C14orf132: variants seen among roughly 807,000 people sequenced by gnomAD.
The protein encoded by C14orf132 is chromosome 14 open reading frame 132.
A neutral mutation model predicts 5.8 loss-of-function variants in C14orf132; 6 were observed. The observed-to-expected ratio is 1.03, with a 90% CI of 0.57 to 2.04. The LOEUF (loss-of-function observed/expected upper bound fraction) is 2.04, where lower values mean the gene tolerates loss of function less well. Ranked by LOEUF, C14orf132 falls within the 30% of genes most tolerant of loss-of-function variation. The pLI is 0.00. For missense variants in C14orf132, 125 were observed against 115.8 expected, an observed-to-expected ratio of 1.08 and a Z score of -0.37; for synonymous variants, 51 against 49.8, an observed-to-expected ratio of 1.02 and a Z score of -0.10.
rs1888383617 is a variant in C14orf132, at chr14:96,090,996, T to C, written c.*4261T>C. 2.2e-6 allele frequency: 1 copy of C among 456,052 alleles called. No homozygotes were observed. The highest frequency in any genetic ancestry group is 2.0e-5 in the African/African-American group (1 of 50,106). 28.3% of individuals were successfully genotyped at this position (456,052 alleles called of 1,614,324 possible). A position where few individuals can be genotyped will look rare whatever the true frequency, so the allele number is the denominator to read the frequency against. ...AGTTTTGCACATCTTTTTGTTGCTC[T>C]ATTTGTGTCTCATTTACTTCTCAAA... On this transcript the variant is annotated 3_prime_UTR_variant, in exon 2 of 2. Coordinates refer to ENST00000555004, the MANE Select transcript of C14orf132 (RefSeq NM_001252507.3).
At chr14:96,065,471 C>T (rs1887503893) in intron 1 of C14orf132, among the ~76,000 whole-genome samples, 1 of 152,100 alleles carries the variant, frequency 6.6e-6, no homozygotes, top group Non-Finnish European at 1.5e-5. Flanking sequence ...GCCCCGGCCG[C>T]CGCTTCACTC....
chr14:96,072,123 G>A (rs1595184499), intron 1 of C14orf132, among the ~76,000 whole-genome samples: 1 of 152,358 alleles, frequency 6.6e-6, no homozygotes, highest in East Asian at 1.9e-4. Flanking sequence ...GACTCAGGGA[G>A]CCGTGCCCAC....
chr14:96,052,559 G>T (rs1256886226), intron 1 of C14orf132, among the ~76,000 whole-genome samples: 1 of 152,200 alleles, frequency 6.6e-6, no homozygotes, highest in African/African-American at 2.4e-5. Context: ...AACCAATCAA[G>T]GAAGAGCAGG....
intron 1 of C14orf132, among the ~76,000 whole-genome samples, chr14:96,079,400 C>T (rs529219140): frequency 3.0e-4 from 45 of 152,262 alleles, no homozygotes; most frequent in South Asian, 1.0e-3. Flanking sequence ...TCTTTCTAGC[C>T]GAAATGTCTT....
At chr14:96,047,742 A>T (rs900373211) in intron 1 of C14orf132, among the ~76,000 whole-genome samples, 18 of 152,196 alleles carry the variant, frequency 1.2e-4, no homozygotes, top group African/African-American at 4.1e-4. Flanking sequence ...TTTTAAAGAG[A>T]TGTTTTAAGT....
At chr14:96,057,793 C>T (rs1360598807) in intron 1 of C14orf132, among the ~76,000 whole-genome samples, 1 of 152,176 alleles carries the variant, frequency 6.6e-6, no homozygotes, top group African/African-American at 2.4e-5. Context: ...TGCAGGCCTC[C>T]TGCATTGTAC....
intron 1 of C14orf132, among the ~76,000 whole-genome samples, chr14:96,043,092 G>A (rs1442529224): frequency 6.6e-6 from 1 of 152,208 alleles, no homozygotes; most frequent in African/African-American, 2.4e-5. Flanking sequence ...ACCACTTCAA[G>A]AGCTGGAATC....
chr14:96,092,613 G>A lies in C14orf132; in HGVS notation c.*5878G>A, dbSNP rs1466405503. Reference sequence around the variant, plus strand: ...AAGCGTTGTCCCAACAATGCAGATGGTTCTGACAAGGGCTCTATATGCTGG... The same window carrying A: ...AAGCGTTGTCCCAACAATGCAGATGATTCTGACAAGGGCTCTATATGCTGG... On this transcript the variant is annotated 3_prime_UTR_variant, in exon 2 of 2. Coordinates refer to ENST00000555004, the MANE Select transcript of C14orf132 (RefSeq NM_001252507.3). 2 of 151,400 alleles carry A rather than the reference G, an allele frequency of 1.3e-5. No homozygotes were observed. Among genetic ancestry groups the A allele is most frequent in the African/African-American group, 4.9e-5 (2 of 41,106 alleles). The allele number at this position is 151,400 out of a possible 1,614,324, so 9.4% of individuals were successfully genotyped here.
In C14orf132 at chr14:96,039,478, C is replaced by T; in HGVS notation, c.-23C>T. The T allele has an allele frequency of 1.3e-6, 2 of 1,500,790 alleles. No homozygotes were observed. Among genetic ancestry groups the T allele is most frequent in the Non-Finnish European group, 1.8e-6 (2 of 1,127,952 alleles). 93.0% of individuals were successfully genotyped at this position (1,500,790 alleles called of 1,614,324 possible). ...AGCGGCAGCGGCAGCAGCGAGGACTCGAGCGCTGGCTGCAGCGACACCATG... is the reference window on the plus strand; with the variant it reads ...AGCGGCAGCGGCAGCAGCGAGGACTTGAGCGCTGGCTGCAGCGACACCATG... On this transcript the variant is annotated 5_prime_UTR_variant, in exon 1 of 2. Transcript: ENST00000555004. This position sits in a 1 kb window ranked among gnomAD's most constrained non-coding sequence, Gnocchi z 5.3.
intron 1 of C14orf132, among the ~76,000 whole-genome samples, chr14:96,067,965 G>A (rs1374410357): frequency 6.6e-6 from 1 of 152,116 alleles, no homozygotes; most frequent in African/African-American, 2.4e-5. Context: ...CACCTCATAG[G>A]GTTGCGATAA....
At position 96,052,241 on chromosome 14, in the gene C14orf132, C is replaced by G. The variant is rs775565280; in HGVS notation, c.27+12714C>G. ...TCACAACTCCTTCCAGCCTGGCCGT[C>G]TCTGCAGCCTGTCTGGGCAGAGTGG... On this transcript the variant is annotated intron_variant, in intron 1 of 1. Transcript: ENST00000555004. Among the ~76,000 whole-genome samples, 8 of 152,384 alleles carry G rather than the reference C, an allele frequency of 5.2e-5. No homozygotes were observed. The East Asian group carries it at 9.6e-4, about 18-fold the overall frequency.
At chr14:96,079,154 C>G (rs1887960571) in intron 1 of C14orf132, among the ~76,000 whole-genome samples, 1 of 152,200 alleles carries the variant, frequency 6.6e-6, no homozygotes, top group African/African-American at 2.4e-5. Context: ...AAGGATGAAA[C>G]TTACAATGAC....
intron 1 of C14orf132, among the ~76,000 whole-genome samples, chr14:96,041,451 G>T (rs535052488): frequency 6.6e-6 from 1 of 152,342 alleles, no homozygotes; most frequent in African/African-American, 2.4e-5. Flanking sequence ...TCCTGAGAAA[G>T]ATACGATGTA....
In C14orf132 at chr14:96,077,493, G is replaced by A. The variant is rs116980903; in HGVS notation, c.28-9018G>A. On this transcript the variant is annotated intron_variant, in intron 1 of 1. Coordinates refer to ENST00000555004, the MANE Select transcript of C14orf132 (RefSeq NM_001252507.3). The stretch of plus-strand genomic sequence containing the variant: ...TTATAAGAATAGGAAATTAGGACAC[G>A]GACATGCACAGAGGGAAGACCATGT... Among the ~76,000 whole-genome samples, 24 of 152,230 alleles carry A rather than the reference G, an allele frequency of 1.6e-4. No individual in the cohort carries two copies. The East Asian group carries it at 4.6e-3, about 29-fold the overall frequency.
intron 1 of C14orf132, among the ~76,000 whole-genome samples, chr14:96,054,716 A>G (rs1887130215): frequency 6.6e-6 from 1 of 152,176 alleles, no homozygotes; most frequent in South Asian, 2.1e-4. Flanking sequence ...ATTTTCCTCA[A>G]CTGTTTTCCC....
chr14:96,063,157 C>T (rs548967555), intron 1 of C14orf132, among the ~76,000 whole-genome samples: 1 of 152,142 alleles, frequency 6.6e-6, no homozygotes, highest in African/African-American at 2.4e-5. Flanking sequence ...CAGCCGTTGA[C>T]TTGCAGCTGG....
chr14:96,049,486 GCATATATATACGTATATATA>G, intron 1 of C14orf132, among the ~76,000 whole-genome samples: 1 of 142,058 alleles, frequency 7.0e-6, no homozygotes, highest in Middle Eastern at 3.8e-3. Context: ...GTATATATAT[GCATATATATACGTATATATA>G]CGTATATACG....
intron 1 of C14orf132, 144 bp from the exon 2 acceptor site, chr14:96,086,367 C>G (rs1203918458): frequency 1.4e-6 from 1 of 700,132 alleles, no homozygotes; most frequent in Non-Finnish European, 2.3e-6. Context: ...AATGATAAAA[C>G]CACAAAAGCA....
In C14orf132 at chr14:96,090,425, G is replaced by A; in HGVS notation, c.*3690G>A. ...AAAAAAGAAAAGAAAAAAAAAAAGA[G>A]CAACTTACTGCTTTGTGAGGTTGTG... On this transcript the variant is annotated 3_prime_UTR_variant, in exon 2 of 2. Coordinates refer to ENST00000555004, the MANE Select transcript of C14orf132 (RefSeq NM_001252507.3). The A allele has an allele frequency of 1.5e-5, 4 of 264,008 alleles. No homozygotes were observed. The highest frequency in any genetic ancestry group is 1.1e-4 in the East Asian group (1 of 9,272). 16.4% of individuals were successfully genotyped at this position (264,008 alleles called of 1,614,324 possible).
Sources: allele counts gnomAD v4.1 joint callset (sites outside exome capture counted in the v4.1 genomes callset), GRCh38; gene constraint gnomAD v4.1.1; non-coding constraint Gnocchi (gnomAD v3.1); transcripts MANE v1.5; gene names NCBI Gene and HGNC (gene_info 2026-07-23, HGNC 2026-07-21).